TGFBRAP1: variants seen among roughly 807,000 people sequenced by gnomAD.
TGFBRAP1 encodes the protein transforming growth factor-beta receptor-associated protein 1.
In TGFBRAP1, 20 loss-of-function variants were observed where a neutral mutation model predicts 83.2. That is an observed-to-expected ratio of 0.24 (90% CI 0.17 to 0.35). TGFBRAP1 has a LOEUF of 0.35. Among genes scored for constraint, TGFBRAP1 ranks in the 10% least tolerant of loss-of-function variants. The pLI, the probability that TGFBRAP1 is intolerant of heterozygous loss-of-function variation, is 1.00. For missense variants in TGFBRAP1, 950 were observed against 1,099.4 expected (o/e 0.86, Z 1.92); for synonymous variants, 415 against 459.8 (o/e 0.90, Z 1.25).
At chr2:105,268,139 C>T (rs778571174) in intron 11 of TGFBRAP1, among the ~76,000 whole-genome samples, 1 of 152,204 alleles carries the variant, frequency 6.6e-6, no homozygotes, top group Non-Finnish European at 1.5e-5. Flanking sequence ...AGTTTTTCTA[C>T]ACAATTCACT....
chr2:105,254,060 T>G, the TGFBRAP1 span, among the ~76,000 whole-genome samples: 8 of 150,752 alleles, frequency 5.3e-5, 1 homozygote, highest in South Asian at 6.3e-4. Flanking sequence ...TATTCAAGGT[T>G]TTTTTTTTTT....
At chr2:105,310,403 G>A (rs988149589) in intron 1 of TGFBRAP1, among the ~76,000 whole-genome samples, 6 of 151,950 alleles carry the variant, frequency 3.9e-5, no homozygotes, top group African/African-American at 7.3e-5. Context: ...GTTCACCTCC[G>A]CCAAAACACA....
In TGFBRAP1 at chr2:105,303,431, G is replaced by A. The variant is rs77279932; in HGVS notation, c.688+4183C>T. Among the ~76,000 whole-genome samples, 720 of 152,264 alleles carry A rather than the reference G, an allele frequency of 4.7e-3. 4 individuals are homozygous for A. The highest frequency in any genetic ancestry group is 0.016 in the African/African-American group (681 of 41,546). ...ACCAGACCCAGGGCAAGAAATGTAC[G>A]AGGTGATCTAGGAATATCCTGAAAC... On this transcript the variant is annotated intron_variant, in intron 2 of 11. Coordinates refer to ENST00000393359, the MANE Select transcript of TGFBRAP1 (RefSeq NM_004257.6).
downstream of TGFBRAP1, among the ~76,000 whole-genome samples, chr2:105,260,743 A>G (rs1181979373): frequency 6.6e-6 from 1 of 152,220 alleles, no homozygotes; most frequent in Non-Finnish European, 1.5e-5. Flanking sequence ...TAGAATGATA[A>G]ACTTAATGTT....
At chr2:105,282,605 A>T (rs1677578932) in intron 5 of TGFBRAP1, among the ~76,000 whole-genome samples, 1 of 152,074 alleles carries the variant, frequency 6.6e-6, no homozygotes, top group African/African-American at 2.4e-5. Context: ...CAAGAGGATG[A>T]CTTGAGGCCA....
intron 1 of TGFBRAP1, among the ~76,000 whole-genome samples, chr2:105,327,602 C>A (rs1186907524): frequency 2.6e-5 from 4 of 152,050 alleles, no homozygotes; most frequent in Non-Finnish European, 5.9e-5. Context: ...CAGAAGACAA[C>A]AACAAAAAGA....
At chr2:105,296,598 T>C (rs926404183) in intron 3 of TGFBRAP1, 88 bp from the exon 4 acceptor site, 16 of 1,435,554 alleles carry the variant, frequency 1.1e-5, no homozygotes, top group Non-Finnish European at 1.5e-5. Flanking sequence ...GATCATTACC[T>C]GATTTGTTCA....
chr2:105,290,640 T>A (rs1158672641), intron 4 of TGFBRAP1, among the ~76,000 whole-genome samples: 1 of 151,176 alleles, frequency 6.6e-6, no homozygotes, highest in Non-Finnish European at 1.5e-5. Context: ...TGTGTGTGTG[T>A]GTGTGTGTGT....
intron 10 of TGFBRAP1, 94 bp downstream of exon 10, chr2:105,272,761 A>G: frequency 6.6e-7 from 1 of 1,505,226 alleles, no homozygotes; most frequent in Non-Finnish European, 9.0e-7. Context: ...TGTGCAATCA[A>G]CCAGCAGCTG....
chr2:105,264,374 CTT>C (rs1173484223), downstream of TGFBRAP1: 1 of 152,200 alleles, frequency 6.6e-6, no homozygotes, highest in African/African-American at 2.4e-5. Context: ...TTCTAGAACT[CTT>C]TATTTAGACT....
intron 1 of TGFBRAP1, among the ~76,000 whole-genome samples, chr2:105,312,297 A>G (rs956852332): frequency 5.9e-5 from 9 of 152,160 alleles, no homozygotes; most frequent in African/African-American, 1.9e-4. Context: ...CTTGGTCTCT[A>G]TTTTTAAAAA....
chr2:105,322,927 C>G (rs924762371), intron 1 of TGFBRAP1, among the ~76,000 whole-genome samples: 2 of 152,152 alleles, frequency 1.3e-5, no homozygotes, highest in African/African-American at 4.8e-5. Context: ...GGGGGGCAGA[C>G]AGAGCTTGGC....
intron 6 of TGFBRAP1, 37 bp from the exon 7 acceptor site, chr2:105,277,708 C>G (rs952628803): frequency 1.9e-6 from 3 of 1,607,004 alleles, no homozygotes; most frequent in African/African-American, 1.3e-5. Context: ...AACCTCTCCC[C>G]ATCAGCTCCT....
At chr2:105,293,605 A>T (rs1031602451) in intron 4 of TGFBRAP1, among the ~76,000 whole-genome samples, 2 of 152,256 alleles carry the variant, frequency 1.3e-5, no homozygotes, top group African/African-American at 4.8e-5. Context: ...ACACTCTAAG[A>T]CTAAAAGAAG....
chr2:105,299,874 A>G (rs1678224110), intron 2 of TGFBRAP1, among the ~76,000 whole-genome samples: 1 of 152,174 alleles, frequency 6.6e-6, no homozygotes, highest in African/African-American at 2.4e-5. Context: ...GAAGCCTCGA[A>G]GCCCCACTTG....
chr2:105,259,662 A>C (rs1676744530), downstream of TGFBRAP1, among the ~76,000 whole-genome samples: 1 of 152,228 alleles, frequency 6.6e-6, no homozygotes, highest in African/African-American at 2.4e-5. Flanking sequence ...TGAAACACAC[A>C]GGGCAGGTGG....
intron 5 of TGFBRAP1, among the ~76,000 whole-genome samples, chr2:105,282,606 C>T (rs1677579029): frequency 6.6e-6 from 1 of 152,064 alleles, no homozygotes; most frequent in South Asian, 2.1e-4. Context: ...AAGAGGATGA[C>T]TTGAGGCCAC....
rs1678575597 is a variant in TGFBRAP1, at chr2:105,308,079, A to C, written c.223T>G (p.Phe75Val). The C allele has an allele frequency of 6.2e-7, 1 of 1,613,778 alleles. No individual in the cohort carries two copies. Among genetic ancestry groups the C allele is most frequent in the Non-Finnish European group, 8.5e-7 (1 of 1,179,796 alleles). ...CGCAGCTCGTTCACGGGCTTCTTGA[A>C]GCCCAAGTGTCTCTGCAGCTGTTTG... is the stretch of plus-strand genomic sequence containing the variant. ...ATKQLQRHLG[F>V]KKPVNELRAA... The change falls in exon 2 of 12, where the codon TTC becomes GTC. Residue 75 changes from phenylalanine to valine, a missense_variant. Coordinates refer to ENST00000393359, the MANE Select transcript of TGFBRAP1 (RefSeq NM_004257.6).
At chr2:105,258,471 C>CTT in the TGFBRAP1 span, among the ~76,000 whole-genome samples, 3 of 147,204 alleles carry the variant, frequency 2.0e-5, no homozygotes, top group Non-Finnish European at 4.5e-5. Context: ...AGGAATTTGC[C>CTT]TTTTTTTTTT....
Sources: allele counts gnomAD v4.1 joint callset (sites outside exome capture counted in the v4.1 genomes callset), GRCh38; gene constraint gnomAD v4.1.1; transcripts MANE v1.5; gene names NCBI Gene and HGNC (gene_info 2026-07-23, HGNC 2026-07-21).